The following F8 variants were observed in gnomAD, a reference collection of about 807,000 sequenced individuals.
F8 encodes coagulation factor VIII.
In F8, 12 loss-of-function variants were observed where a neutral mutation model predicts 140.6. The observed-to-expected ratio is 0.09, with a 90% CI of 0.05 to 0.14. The LOEUF is 0.14. Ranked by LOEUF, F8 falls within the 10% of genes least tolerant of loss-of-function variation. The pLI is 1.00. For missense variants in F8, 1,354 were observed against 1,720.7 expected (o/e 0.79, Z 3.77); for synonymous variants, 585 against 614.6 (o/e 0.95, Z 0.71).
At chrX:155,002,875 G>A (rs2073654054) in intron 1 of F8, among the ~76,000 whole-genome samples, 1 of 111,944 alleles carries the variant, frequency 8.9e-6, no homozygotes, top group East Asian at 2.8e-4. Flanking sequence ...AGTTTTGATA[G>A]TAGCCATCCT....
intron 14 of F8, among the ~76,000 whole-genome samples, chrX:154,916,156 C>G (rs782687096): frequency 3.6e-5 from 4 of 111,643 alleles, no homozygotes; most frequent in Non-Finnish European, 7.5e-5. Flanking sequence ...GGATGAATCC[C>G]CCTTGGGCAT....
rs1004707794 is a variant in F8, at chrX:154,997,688, T to A, written c.266-593A>T. 2.7e-5 allele frequency among the ~76,000 whole-genome samples: 3 copies of A among 111,933 alleles called. No individual in the cohort carries two copies. In the Admixed American group the frequency reaches 2.9e-4, roughly 11 times the overall value. On this transcript the variant is annotated intron_variant, in intron 2 of 25. Coordinates refer to ENST00000360256, the MANE Select transcript of F8 (RefSeq NM_000132.4). ...TAAAGTGTGGCTGAAGCACAGTGAATCAGCAGAGGAGTAACAGAAAATATG... is the reference window on the plus strand; with the variant it reads ...TAAAGTGTGGCTGAAGCACAGTGAAACAGCAGAGGAGTAACAGAAAATATG...
intron 25 of F8, among the ~76,000 whole-genome samples, chrX:154,853,613 T>C (rs1557272287): frequency 9.0e-6 from 1 of 111,620 alleles, no homozygotes; most frequent in African/African-American, 3.3e-5. Flanking sequence ...CAGAGGATAA[T>C]ATTTATCTGC....
intron 22 of F8, among the ~76,000 whole-genome samples, chrX:154,866,610 T>C (rs2072732877): frequency 9.0e-6 from 1 of 111,477 alleles, no homozygotes; most frequent in South Asian, 3.7e-4. Flanking sequence ...ATGTGGAAAC[T>C]AAACAACACA....
intron 1 of F8, among the ~76,000 whole-genome samples, chrX:155,009,883 G>A (rs781990706): frequency 8.9e-6 from 1 of 111,826 alleles, no homozygotes; most frequent in Non-Finnish European, 1.9e-5. Context: ...CCCTCTCTGA[G>A]GGAAGAGTGA....
At chrX:154,870,015 A>G (rs1420598419) in intron 22 of F8, among the ~76,000 whole-genome samples, 1 of 112,223 alleles carries the variant, frequency 8.9e-6, no homozygotes, top group Admixed American at 9.5e-5. Context: ...GAATCCCTGA[A>G]TAGACCTATA....
intron 25 of F8, among the ~76,000 whole-genome samples, chrX:154,851,484 C>T (rs1557272153): frequency 9.0e-6 from 1 of 111,690 alleles, no homozygotes; most frequent in Non-Finnish European, 1.9e-5. Flanking sequence ...TCTACAGTGG[C>T]TGCCCTATTT....
intron 20 of F8, 36 bp from the exon 21 acceptor site, chrX:154,899,987 C>T: frequency 8.9e-7 from 1 of 1,129,905 alleles, no homozygotes; most frequent in Non-Finnish European, 1.2e-6. Context: ...TTAAATTCAG[C>T]TGGGTTAGTC....
chrX:154,872,081 C>T (rs782180846), intron 22 of F8, among the ~76,000 whole-genome samples: 5 of 112,047 alleles, frequency 4.5e-5, no homozygotes, highest in South Asian at 7.4e-4. Context: ...AAAATAGGAA[C>T]GCTTTTACAC....
Position 155,022,086 on chromosome X carries a change from T to C in F8, c.143+324A>G, listed in dbSNP as rs1158406974. Among the ~76,000 whole-genome samples, 6 of 111,841 alleles carry C rather than the reference T, an allele frequency of 5.4e-5. No individual in the cohort carries two copies. In the East Asian group the frequency reaches 1.4e-3, roughly 26 times the overall value. ...TTGCCTTGATTCTCTCTATGGAAGC[T>C]TGGGCAGGCAGAGGGAAGTTTTGTC... On this transcript the variant is annotated intron_variant, in intron 1 of 25. Transcript: ENST00000360256.
At chrX:154,873,958 A>G (rs2072793649) in intron 22 of F8, among the ~76,000 whole-genome samples, 1 of 112,567 alleles carries the variant, frequency 8.9e-6, no homozygotes. Context: ...TGACACCAAA[A>G]GCACAGGCAA....
At chrX:154,868,410 C>A (rs1189598680) in intron 22 of F8, among the ~76,000 whole-genome samples, 2 of 112,002 alleles carry the variant, frequency 1.8e-5, no homozygotes, top group Non-Finnish European at 3.8e-5. Context: ...ACTTATGGGA[C>A]AGCCATGCAG....
At position 154,929,542 on chromosome X, in the gene F8, T is replaced by C. The variant is rs1284595438; in HGVS notation, c.4248A>G (p.Pro1416=). 3 of 1,209,081 alleles carry C rather than the reference T, an allele frequency of 2.5e-6. No individual in the cohort carries two copies. The highest frequency in any genetic ancestry group is 1.8e-5 in the African/African-American group (1 of 57,132). The change falls in exon 14 of 26, where the codon CCA becomes CCG. Residue 1416 remains proline, a synonymous_variant. Transcript: ENST00000360256. ...PLPIAKVSSF[P]SIRPIYLTRV... is the part of the protein sequence containing the mutation. ...TGGTCAGATATATAGGTCTAATAGA[T>C]GGAAATGATGATACCTTTGCAATGG...
chrX:154,925,367 C>A (rs1469150397), intron 14 of F8, among the ~76,000 whole-genome samples: 1 of 112,249 alleles, frequency 8.9e-6, no homozygotes, highest in Non-Finnish European at 1.9e-5. Flanking sequence ...AGAGTCCCTA[C>A]TGGGGTACCA....
At chrX:154,920,149 T>C (rs1019857155) in intron 14 of F8, 1 of 134,216 alleles carries the variant, frequency 7.5e-6, no homozygotes, top group Admixed American at 7.3e-5. Context: ...AGATATTCTA[T>C]ATCAGTAATA....
At chrX:154,935,077 G>C (rs1279677823) in intron 13 of F8, among the ~76,000 whole-genome samples, 1 of 110,674 alleles carries the variant, frequency 9.0e-6, no homozygotes, top group Non-Finnish European at 1.9e-5. Flanking sequence ...TGGGAGGATT[G>C]CTTGAGCCCA....
chrX:154,977,980 T>C (rs893753703), intron 6 of F8, among the ~76,000 whole-genome samples: 2 of 110,295 alleles, frequency 1.8e-5, no homozygotes, highest in Non-Finnish European at 3.8e-5. Flanking sequence ...TTTTGTCTGA[T>C]TGGGTTATTT....
At chrX:154,980,870 G>C (rs2073514962) in intron 6 of F8, among the ~76,000 whole-genome samples, 1 of 111,670 alleles carries the variant, frequency 9.0e-6, no homozygotes, top group Non-Finnish European at 1.9e-5. Context: ...TGGAGGCTGA[G>C]GTGGGAAGAC....
intron 6 of F8, among the ~76,000 whole-genome samples, chrX:154,981,753 A>T (rs782073974): frequency 1.4e-4 from 16 of 111,949 alleles, no homozygotes; most frequent in Admixed American, 3.8e-4. Context: ...GCATGAGTCC[A>T]CTTATATGCA....
Sources: gnomAD v4.1 joint callset for allele counts (sites outside exome capture counted in the v4.1 genomes callset) on GRCh38, gnomAD v4.1.1 for gene constraint, MANE v1.5 for transcripts, NCBI Gene and HGNC (gene_info 2026-07-23, HGNC 2026-07-21) for gene names.